CEP63: variants seen among roughly 807,000 people sequenced by gnomAD.
CEP63 encodes the protein centrosomal protein of 63 kDa.
CEP63 carries 84 observed loss-of-function variants against 89.1 expected under a neutral mutation model. The ratio of observed to expected loss-of-function variants is 0.94; its 90% CI spans 0.79 to 1.13. CEP63 has a LOEUF of 1.13. Ranked by LOEUF, CEP63 falls within the 50% of genes most tolerant of loss-of-function variation. The pLI, the probability that CEP63 is intolerant of heterozygous loss-of-function variation, is 0.00. For synonymous variants in CEP63, 267 were observed against 272.5 expected (o/e 0.98, Z 0.20); for missense variants, 838 against 813.3 (o/e 1.03, Z -0.37).
At chr3:134,744,632 A>G in the CEP63 span, among the ~76,000 whole-genome samples, 3 of 152,180 alleles carry the variant, frequency 2.0e-5, no homozygotes, top group Admixed American at 1.3e-4. Flanking sequence ...CCCCTGCCTC[A>G]GTCTCCTGAG....
At chr3:134,705,042 A>T in the CEP63 span, among the ~76,000 whole-genome samples, 1 of 152,250 alleles carries the variant, frequency 6.6e-6, no homozygotes, top group Non-Finnish European at 1.5e-5. Flanking sequence ...GAATATCTGC[A>T]GTCCTAGAAA....
intron 1 of CEP63, among the ~76,000 whole-genome samples, chr3:134,494,228 A>G (rs9832785): frequency 0.67 from 101,188 of 151,144 alleles, 34,175 homozygotes; most frequent in East Asian, 0.82. Context: ...CGATTTTCCT[A>G]CCTCAGCCTC....
the CEP63 span, among the ~76,000 whole-genome samples, chr3:134,664,670 T>G: frequency 0.051 from 6,651 of 130,588 alleles, 420 homozygotes; most frequent in African/African-American, 0.18. Context: ...TTAAGCAGTT[T>G]TGTGTGTGTG....
At chr3:134,760,613 G>A in the CEP63 span, among the ~76,000 whole-genome samples, 1 of 152,182 alleles carries the variant, frequency 6.6e-6, no homozygotes, top group Non-Finnish European at 1.5e-5. Flanking sequence ...CAGTGATGGT[G>A]TTAATGCACT....
chr3:134,704,768 AG>A, the CEP63 span, among the ~76,000 whole-genome samples: 11 of 152,244 alleles, frequency 7.2e-5, 1 homozygote, highest in African/African-American at 2.7e-4. Context: ...TAGCTGGACA[AG>A]CTGGGACTTG....
At chr3:134,571,277 G>A (rs1957998726) in intron 11 of CEP63, among the ~76,000 whole-genome samples, 1 of 152,218 alleles carries the variant, frequency 6.6e-6, no homozygotes, top group African/African-American at 2.4e-5. Context: ...AAATGGAATG[G>A]GAGCTGGTGG....
At chr3:134,634,618 T>C in the CEP63 span, among the ~76,000 whole-genome samples, 5 of 152,184 alleles carry the variant, frequency 3.3e-5, no homozygotes, top group Admixed American at 3.3e-4. Context: ...AGACATCACA[T>C]CTATTAGAAG....
chr3:134,695,450 G>A, the CEP63 span, among the ~76,000 whole-genome samples: 1 of 152,214 alleles, frequency 6.6e-6, no homozygotes. Context: ...CCCATACATG[G>A]TGATGACCTT....
At chr3:134,746,490 T>A in the CEP63 span, among the ~76,000 whole-genome samples, 4 of 152,236 alleles carry the variant, frequency 2.6e-5, no homozygotes, top group Admixed American at 1.3e-4. Flanking sequence ...CCTTGAGGAA[T>A]CGCCACACTG....
At chr3:134,680,845 G>A in the CEP63 span, among the ~76,000 whole-genome samples, 1 of 152,330 alleles carries the variant, frequency 6.6e-6, no homozygotes, top group East Asian at 1.9e-4. Context: ...TTCAACGAGG[G>A]CCTTTGAAAC....
chr3:134,782,497 C>T, the CEP63 span, among the ~76,000 whole-genome samples: 2 of 152,110 alleles, frequency 1.3e-5, no homozygotes, highest in Non-Finnish European at 2.9e-5. Context: ...TTTACTCTAT[C>T]CGTATGCCCT....
intron 1 of CEP63, among the ~76,000 whole-genome samples, chr3:134,494,382 T>C (rs1463636919): frequency 6.6e-6 from 1 of 151,968 alleles, no homozygotes; most frequent in Non-Finnish European, 1.5e-5. Flanking sequence ...TCCCAAGTTC[T>C]AGGATTACAG....
At chr3:134,503,794 A>G (rs919260832) in intron 2 of CEP63, among the ~76,000 whole-genome samples, 5 of 152,058 alleles carry the variant, frequency 3.3e-5, no homozygotes, top group African/African-American at 1.2e-4. Context: ...TATGACTTAA[A>G]GTCTATTTTG....
At chr3:134,515,352 G>T (rs1235165607) in intron 3 of CEP63, among the ~76,000 whole-genome samples, 1 of 152,180 alleles carries the variant, frequency 6.6e-6, no homozygotes, top group Non-Finnish European at 1.5e-5. Context: ...AAATGTAAAT[G>T]CAGTAACTGG....
rs777049621 is a variant in CEP63 at position 134,559,230 on chromosome 3, C to T, written c.1754C>T (p.Ala585Val). The T allele has an allele frequency of 1.2e-5, 19 of 1,614,092 alleles. No individual in the cohort carries two copies. The highest frequency in any genetic ancestry group is 1.1e-4 in the South Asian group (10 of 91,080). The change falls in exon 14 of 15, where the codon GCG becomes GTG. Residue 585 changes from alanine to valine, a missense_variant. Physicochemically the swap from Ala to Val is moderately conservative, Grantham distance 64. Coordinates refer to ENST00000675561, the MANE Select transcript of CEP63 (RefSeq NM_001353108.3). ...KTDLHSPRGQ[A>V]SDSINPMSRV... ...GATCTTCATTCTCCAAGAGGACAAGCGTCGGATAGTATAAACCCCATGTCT... is the reference window on the plus strand; with the variant it reads ...GATCTTCATTCTCCAAGAGGACAAGTGTCGGATAGTATAAACCCCATGTCT...
rs1346384146 is a variant in CEP63 at position 134,561,987 on chromosome 3, G to A, written c.*452G>A. On this transcript the variant is annotated 3_prime_UTR_variant, in exon 15 of 15. Transcript: ENST00000675561. ...GTTTTGCCACTTACCAGCCAACGGG[G>A]CTTGTTATTTACTGGGCTGGTAGCC... is the stretch of plus-strand genomic sequence containing the variant. 9.8e-7 allele frequency: 1 copy of A among 1,016,950 alleles called. No homozygotes were observed. Among genetic ancestry groups the A allele is most frequent in the African/African-American group, 1.7e-5 (1 of 57,474 alleles). The allele number at this position is 1,016,950 out of a possible 1,614,324, so 63.0% of individuals were successfully genotyped here.
the CEP63 span, among the ~76,000 whole-genome samples, chr3:134,679,486 G>T: frequency 1.3e-5 from 2 of 152,170 alleles, no homozygotes; most frequent in African/African-American, 2.4e-5. Context: ...ACATCTCACT[G>T]CAGAACAGCA....
At chr3:134,504,656 A>G (rs987475975) in intron 2 of CEP63, among the ~76,000 whole-genome samples, 2 of 152,016 alleles carry the variant, frequency 1.3e-5, no homozygotes, top group African/African-American at 4.8e-5. Flanking sequence ...TTTTGCAAGA[A>G]TTGGGAAGTT....
At chr3:134,713,044 A>G in the CEP63 span, among the ~76,000 whole-genome samples, 2 of 152,146 alleles carry the variant, frequency 1.3e-5, no homozygotes, top group Non-Finnish European at 2.9e-5. Context: ...TGTTGGTATC[A>G]CTCAGGACAG....
Sources: gnomAD v4.1 joint callset for allele counts (sites outside exome capture counted in the v4.1 genomes callset) on GRCh38, gnomAD v4.1.1 for gene constraint, MANE v1.5 for transcripts, NCBI Gene and HGNC (gene_info 2026-07-23, HGNC 2026-07-21) for gene names.